Variants in NECTIN1 observed in about 807,000 individuals in gnomAD.
NECTIN1 encodes the protein nectin cell adhesion molecule 1, also known as nectin-1.
Under a neutral mutation model 48.0 loss-of-function variants are expected in NECTIN1, and 23 were observed. The observed-to-expected ratio is 0.48, with a 90% CI of 0.34 to 0.68. The LOEUF (loss-of-function observed/expected upper bound fraction) is 0.68, where lower values mean the gene tolerates loss of function less well. Among genes scored for constraint, NECTIN1 ranks in the 30% least tolerant of loss-of-function variants. NECTIN1 has a pLI of 0.01. For synonymous variants in NECTIN1, 270 were observed against 288.9 expected (o/e 0.93, Z 0.66); for missense variants, 591 against 709.9 (o/e 0.83, Z 1.90).
intron 1 of NECTIN1, among the ~76,000 whole-genome samples, chr11:119,682,384 G>A (rs1865073907): frequency 6.6e-6 from 1 of 152,168 alleles, no homozygotes; most frequent in Admixed American, 6.5e-5. Flanking sequence ...AGACTGCACA[G>A]CCCCTCTCCT....
At chr11:119,690,638 G>A (rs1865237571) in intron 1 of NECTIN1, among the ~76,000 whole-genome samples, 1 of 152,210 alleles carries the variant, frequency 6.6e-6, no homozygotes, top group African/African-American at 2.4e-5. Context: ...GGACTGCTGG[G>A]GTAAGAGGCA....
chr11:119,647,158 CGCATGTGTGTGTGTGTGTGTGTGT>C (rs1469246799), intron 5 of NECTIN1, among the ~76,000 whole-genome samples: 21 of 91,756 alleles, frequency 2.3e-4, no homozygotes, highest in Admixed American at 9.0e-4. Context: ...GAGCTTGCGG[CGCATGTGTGTGTGTGTGTGTGTGT>C]GTGTGTGTGT....
At chr11:119,717,889 C>T (rs1334807967) in intron 1 of NECTIN1, among the ~76,000 whole-genome samples, 2 of 152,230 alleles carry the variant, frequency 1.3e-5, no homozygotes, top group Non-Finnish European at 2.9e-5. Context: ...TGCTTCCAAG[C>T]ACTTCCTAGG....
chr11:119,656,709 C>T (rs369946427), downstream of NECTIN1, among the ~76,000 whole-genome samples: 1 of 152,176 alleles, frequency 6.6e-6, no homozygotes, highest in Admixed American at 6.5e-5. Flanking sequence ...TCTTCAGGCC[C>T]GTACTCAGGC....
At position 119,677,891 on chromosome 11, in the gene NECTIN1, C is replaced by A. The variant is rs758384419; in HGVS notation, c.431-34G>T. 6.2e-7 allele frequency: 1 copy of A among 1,605,132 alleles called. No individual in the cohort carries two copies. Among genetic ancestry groups the A allele is most frequent in the Non-Finnish European group, 8.5e-7 (1 of 1,173,402 alleles). ...AAGCAGAGAGAGTGATGGGACTAGC[C>A]CTGTTGACTTGTCCAAGATGCACCG... On this transcript the variant is annotated intron_variant, in intron 2 of 5. Coordinates refer to ENST00000264025, the MANE Select transcript of NECTIN1 (RefSeq NM_002855.5). This position sits in a 1 kb window ranked among gnomAD's most constrained non-coding sequence, Gnocchi z 5.4.
intron 1 of NECTIN1, among the ~76,000 whole-genome samples, chr11:119,680,684 C>T (rs767926142): frequency 1.2e-4 from 19 of 152,258 alleles, no homozygotes; most frequent in Admixed American, 3.9e-4. Flanking sequence ...TTTGGCTTCA[C>T]CAAGCCAGGC....
At chr11:119,666,350 TGAAAA>T (rs1453596673) in intron 5 of NECTIN1, among the ~76,000 whole-genome samples, 2 of 151,400 alleles carry the variant, frequency 1.3e-5, no homozygotes, top group Admixed American at 6.6e-5. Flanking sequence ...GCAGGAAAGG[TGAAAA>T]GAAGAGAAAG....
chr11:119,643,841 C>A (rs1365926968), intron 5 of NECTIN1, among the ~76,000 whole-genome samples: 1 of 152,228 alleles, frequency 6.6e-6, no homozygotes, highest in South Asian at 2.1e-4. Flanking sequence ...GGGGGTGGGG[C>A]CTCCAGGGAG....
In NECTIN1 at chr11:119,677,334, A is replaced by AGG; in HGVS notation, c.734-117_734-116dup. Reference sequence around the variant, plus strand: ...AGTGGCATGGAAACAGCCAGGAGAGAGGGAAGTGTGGGTGGGAGGGTGGCA... The same window carrying AGG: ...AGTGGCATGGAAACAGCCAGGAGAGAGGGGGAAGTGTGGGTGGGAGGGTGGCA... On this transcript the variant is annotated intron_variant, in intron 3 of 5. Transcript: ENST00000264025. This position sits in a 1 kb window ranked among gnomAD's most constrained non-coding sequence, Gnocchi z 5.4. 1 of 1,079,556 alleles carries AGG rather than the reference A, an allele frequency of 9.3e-7. No homozygotes were observed. Among genetic ancestry groups the AGG allele is most frequent in the African/African-American group, 1.5e-5 (1 of 64,728 alleles). The allele number at this position is 1,079,556 out of a possible 1,614,324, so 66.9% of individuals were successfully genotyped here.
intron 5 of NECTIN1, among the ~76,000 whole-genome samples, chr11:119,671,034 T>C (rs1271864233): frequency 6.6e-6 from 1 of 151,944 alleles, no homozygotes; most frequent in Non-Finnish European, 1.5e-5. Context: ...TGGGCCTGTG[T>C]AGCAGCAGCA....
intron 1 of NECTIN1, among the ~76,000 whole-genome samples, chr11:119,691,405 C>T (rs867305079): frequency 3.3e-5 from 5 of 152,312 alleles, no homozygotes; most frequent in Middle Eastern, 3.4e-3. Flanking sequence ...CTGAGGTGGG[C>T]GGGGAAAGTG....
intron 5 of NECTIN1, among the ~76,000 whole-genome samples, chr11:119,653,789 A>C (rs1278848834): frequency 1.3e-5 from 2 of 152,198 alleles, no homozygotes; most frequent in Non-Finnish European, 2.9e-5. Context: ...CAAGGAGTCA[A>C]TTCTCCTTTA....
At chr11:119,674,177 CT>C (rs1864907014) in intron 5 of NECTIN1, among the ~76,000 whole-genome samples, 1 of 152,172 alleles carries the variant, frequency 6.6e-6, no homozygotes, top group Non-Finnish European at 1.5e-5. Flanking sequence ...GCCGACCAGT[CT>C]TCTGTGTCCC....
At chr11:119,716,317 C>T (rs1565402967) in intron 1 of NECTIN1, among the ~76,000 whole-genome samples, 1 of 152,110 alleles carries the variant, frequency 6.6e-6, no homozygotes. Context: ...GGGAACGGAC[C>T]CTCCTTCTCC....
intron 5 of NECTIN1, 32 bp downstream of exon 5, chr11:119,675,127 G>A: frequency 1.2e-6 from 2 of 1,613,780 alleles, no homozygotes; most frequent in Non-Finnish European, 1.7e-6. Flanking sequence ...ACCCGTGGGT[G>A]CGGAGAGGCT....
At chr11:119,642,247 A>G (rs1193140292) in intron 5 of NECTIN1, 1 of 152,146 alleles carries the variant, frequency 6.6e-6, no homozygotes, top group Non-Finnish European at 1.5e-5. Flanking sequence ...AGCCACCACC[A>G]CGCTGGATGC....
downstream of NECTIN1, chr11:119,659,089 A>G (rs1246839645): frequency 6.6e-6 from 1 of 152,116 alleles, no homozygotes; most frequent in Non-Finnish European, 1.5e-5. Flanking sequence ...CCTCCCAAAC[A>G]CAATGACCCA....
At chr11:119,667,044 C>T (rs1314259964) in intron 5 of NECTIN1, among the ~76,000 whole-genome samples, 1 of 152,188 alleles carries the variant, frequency 6.6e-6, no homozygotes, top group Non-Finnish European at 1.5e-5. Context: ...CCACCACCAT[C>T]CTCGGTGCAG....
downstream of NECTIN1, among the ~76,000 whole-genome samples, chr11:119,656,056 G>A (rs1864567806): frequency 6.6e-6 from 1 of 151,868 alleles, no homozygotes; most frequent in African/African-American, 2.4e-5. Context: ...CACCACACCT[G>A]GATAATTTTT....
Sources: allele counts gnomAD v4.1 joint callset (sites outside exome capture counted in the v4.1 genomes callset), GRCh38; gene constraint gnomAD v4.1.1; non-coding constraint Gnocchi (gnomAD v3.1); transcripts MANE v1.5; gene names NCBI Gene and HGNC (gene_info 2026-07-23, HGNC 2026-07-21).